The following PRKCB variants were observed in gnomAD, a reference collection of about 807,000 sequenced individuals.
The protein encoded by PRKCB is protein kinase C beta, also known as protein kinase C beta type.
A neutral mutation model predicts 81.5 loss-of-function variants in PRKCB; 13 were observed. The ratio of observed to expected loss-of-function variants is 0.16; its 90% CI spans 0.10 to 0.25. PRKCB has a LOEUF of 0.25. Ranked by LOEUF, PRKCB falls within the 10% of genes least tolerant of loss-of-function variation. The probability of loss-of-function intolerance (pLI) is 1.00; values close to 1 mark genes in which losing one functional copy is unlikely to be tolerated. For synonymous variants in PRKCB, 335 were observed against 321.4 expected (o/e 1.04, Z -0.45); for missense variants, 509 against 875.7 (o/e 0.58, Z 5.29).
At chr16:24,096,662 AAAAAATATATATATATATATATATATAT>A (rs1309455664) in intron 7 of PRKCB, among the ~76,000 whole-genome samples, 4 of 40,434 alleles carry the variant, frequency 9.9e-5, no homozygotes, top group African/African-American at 3.4e-4. Flanking sequence ...CAAAAAAAAA[AAAAAATATATATATATATATATATATAT>A]ATATATATAT....
At chr16:23,887,638 G>T (rs2141114256) in intron 2 of PRKCB, among the ~76,000 whole-genome samples, 1 of 152,288 alleles carries the variant, frequency 6.6e-6, no homozygotes. Flanking sequence ...TGCTGTTATG[G>T]ACAGTGATGC....
chr16:24,182,508 G>A (rs551527635), intron 13 of PRKCB, among the ~76,000 whole-genome samples: 17 of 152,262 alleles, frequency 1.1e-4, no homozygotes, highest in East Asian at 3.9e-4. Flanking sequence ...GCGACTGAGC[G>A]AGACTCTGTC....
At chr16:23,992,033 C>G (rs147430570) in intron 3 of PRKCB, among the ~76,000 whole-genome samples, 2 of 152,148 alleles carry the variant, frequency 1.3e-5, no homozygotes, top group African/African-American at 4.8e-5. Context: ...TGAGATAGTG[C>G]CCCTATAAAA....
In PRKCB at chr16:24,128,744, G is replaced by A. The variant is rs73548470; in HGVS notation, c.1065+4763G>A. ...TATTTTAGATACAGAGGGTACATGCGCAGGTTTGTCACATGGGTATATTGT... is the reference window on the plus strand; with the variant it reads ...TATTTTAGATACAGAGGGTACATGCACAGGTTTGTCACATGGGTATATTGT... On this transcript the variant is annotated intron_variant, in intron 9 of 16. Transcript: ENST00000643927. 7.2e-3 allele frequency among the ~76,000 whole-genome samples: 1,096 copies of A among 152,250 alleles called. 8 individuals carry two copies. Among genetic ancestry groups the A allele is most frequent in the African/African-American group, 0.025 (1,020 of 41,536 alleles).
At position 24,086,551 on chromosome 16, in the gene PRKCB, A is replaced by G. The variant is rs146677872; in HGVS notation, c.530-6240A>G. On this transcript the variant is annotated intron_variant, in intron 5 of 16. Coordinates refer to ENST00000643927, the MANE Select transcript of PRKCB (RefSeq NM_002738.7). Reference sequence around the variant, plus strand: ...TTTTAAGTATCACCCTGCGGATCCAATTACCCTATAAACTCTTTGGAGGAA... The same window carrying G: ...TTTTAAGTATCACCCTGCGGATCCAGTTACCCTATAAACTCTTTGGAGGAA... 3.1e-3 allele frequency among the ~76,000 whole-genome samples: 469 copies of G among 152,314 alleles called. 4 individuals carry two copies. The highest frequency in any genetic ancestry group is 0.011 in the African/African-American group (453 of 41,572).
chr16:23,839,033 A>G (rs1256179031), intron 2 of PRKCB, among the ~76,000 whole-genome samples: 1 of 152,184 alleles, frequency 6.6e-6, no homozygotes, highest in Non-Finnish European at 1.5e-5. Context: ...AATCAGTTTC[A>G]GTCTTTGTCT....
intron 8 of PRKCB, among the ~76,000 whole-genome samples, chr16:24,123,450 A>G (rs138028624): frequency 5.3e-5 from 8 of 152,326 alleles, no homozygotes; most frequent in African/African-American, 1.9e-4. Context: ...AGACATTTTA[A>G]GCAGGAGGGG....
rs1329149162 is a variant in PRKCB, at chr16:23,836,214, CGAG to C, written c.43_45del (p.Glu15del). 6.3e-7 allele frequency: 1 copy of C among 1,582,576 alleles called. No individual in the cohort carries two copies. The highest frequency in any genetic ancestry group is 1.1e-5 in the South Asian group (1 of 89,018). On this transcript the variant is annotated inframe_deletion, in exon 1 of 17. Coordinates refer to ENST00000643927, the MANE Select transcript of PRKCB (RefSeq NM_002738.7). The stretch of plus-strand genomic sequence containing the variant: ...CTGCGGGGCCGCCGCCGAGCGAGGG[CGAG>C]GAGAGCACCGTGCGCTTCGCCCGCA...
chr16:24,193,828 T>C (rs1281810063), intron 16 of PRKCB, among the ~76,000 whole-genome samples: 1 of 152,126 alleles, frequency 6.6e-6, no homozygotes, highest in Non-Finnish European at 1.5e-5. Context: ...CAGCTGATGT[T>C]CACCTCCCGA....
At chr16:24,113,657 G>A (rs1411479335) in intron 8 of PRKCB, among the ~76,000 whole-genome samples, 2 of 151,178 alleles carry the variant, frequency 1.3e-5, no homozygotes, top group African/African-American at 2.4e-5. Context: ...GTGGGAACCA[G>A]TTAGGTTTGC....
chr16:23,936,789 A>G (rs1321311026), intron 2 of PRKCB, among the ~76,000 whole-genome samples: 2 of 152,028 alleles, frequency 1.3e-5, no homozygotes, highest in Non-Finnish European at 2.9e-5. Context: ...GTAGGGATGG[A>G]CTTTAGGTGA....
chr16:24,191,104 C>T lies in PRKCB; in HGVS notation c.1737C>T (p.His579=). ...VAICKGLMTK[H]PGKRLGCGPE... ...TTCTCTCGAAGCTGATGACCAAACACCCAGGCAAACGTCTGGGTTGTGGAC... is the reference window on the plus strand; with the variant it reads ...TTCTCTCGAAGCTGATGACCAAACATCCAGGCAAACGTCTGGGTTGTGGAC... Residue 579 remains histidine, a synonymous_variant, in exon 16 of 17, where the codon CAC becomes CAT. Transcript: ENST00000643927. The T allele has an allele frequency of 6.2e-7, 1 of 1,613,842 alleles. No homozygotes were observed. The highest frequency in any genetic ancestry group is 8.5e-7 in the Non-Finnish European group (1 of 1,179,878).
intron 2 of PRKCB, among the ~76,000 whole-genome samples, chr16:23,844,448 C>T (rs374344621): frequency 1.5e-4 from 23 of 152,260 alleles, no homozygotes; most frequent in African/African-American, 4.6e-4. Flanking sequence ...ATTCATCATC[C>T]GTTTTTCTGT....
At chr16:23,965,854 A>G (rs1195399693) in intron 2 of PRKCB, among the ~76,000 whole-genome samples, 1 of 152,132 alleles carries the variant, frequency 6.6e-6, no homozygotes, top group Admixed American at 6.6e-5. Context: ...GCTTTGTGGC[A>G]CCCTGGGGCT....
chr16:24,187,475 C>T (rs1195277312), intron 15 of PRKCB, among the ~76,000 whole-genome samples: 1 of 152,134 alleles, frequency 6.6e-6, no homozygotes, highest in Non-Finnish European at 1.5e-5. Context: ...GCACTCTGCT[C>T]CAAGCCCCTT....
At chr16:24,211,053 GA>G (rs1327779194) in intron 16 of PRKCB, among the ~76,000 whole-genome samples, 11 of 119,596 alleles carry the variant, frequency 9.2e-5, no homozygotes, top group Middle Eastern at 4.5e-3. Flanking sequence ...TGAGTTTACC[GA>G]GGGGTCATCC....
intron 2 of PRKCB, among the ~76,000 whole-genome samples, chr16:23,934,908 G>C (rs756270291): frequency 6.6e-6 from 1 of 152,144 alleles, no homozygotes; most frequent in Non-Finnish European, 1.5e-5. Context: ...TTAGAAAACG[G>C]AATTCTTACT....
At chr16:24,063,512 C>T (rs1965997973) in intron 5 of PRKCB, among the ~76,000 whole-genome samples, 1 of 152,088 alleles carries the variant, frequency 6.6e-6, no homozygotes, top group Non-Finnish European at 1.5e-5. Flanking sequence ...CCAGGCTGGC[C>T]TCGAACTCCT....
intron 10 of PRKCB, among the ~76,000 whole-genome samples, chr16:24,156,963 A>T (rs564808393): frequency 1.1e-4 from 16 of 152,308 alleles, no homozygotes; most frequent in African/African-American, 3.8e-4. Context: ...TTTTAGTTGG[A>T]TATGTTGAGA....
Sources: allele counts gnomAD v4.1 joint callset (sites outside exome capture counted in the v4.1 genomes callset), GRCh38; gene constraint gnomAD v4.1.1; transcripts MANE v1.5; gene names NCBI Gene and HGNC (gene_info 2026-07-23, HGNC 2026-07-21).